The following MICAL2 variants were observed in gnomAD, a reference collection of about 807,000 sequenced individuals.
MICAL2 encodes the protein [F-actin]-monooxygenase MICAL2.
A neutral mutation model predicts 127.3 loss-of-function variants in MICAL2; 77 were observed. The ratio of observed to expected loss-of-function variants is 0.60; its 90% CI spans 0.50 to 0.73. The LOEUF (loss-of-function observed/expected upper bound fraction) is 0.73. Ranked by LOEUF, MICAL2 falls within the 30% of genes least tolerant of loss-of-function variation. MICAL2 has a pLI of 0.00. For missense variants in MICAL2, 1,351 were observed against 1,434.4 expected (o/e 0.94, Z 0.94); for synonymous variants, 570 against 551.1 (o/e 1.03, Z -0.48).
chr11:12,199,540 G>A (rs1002883162), intron 3 of MICAL2, among the ~76,000 whole-genome samples: 3 of 152,146 alleles, frequency 2.0e-5, no homozygotes, highest in Admixed American at 6.5e-5. Flanking sequence ...TCTCCCTCTG[G>A]GGACTGAATC....
At chr11:12,181,099 A>G (rs1857424793) in intron 3 of MICAL2, among the ~76,000 whole-genome samples, 1 of 151,792 alleles carries the variant, frequency 6.6e-6, no homozygotes. Flanking sequence ...ACCTGCCACC[A>G]TGCCTGGATA....
chr11:12,288,899 T>C (rs1863859763), downstream of MICAL2, among the ~76,000 whole-genome samples: 1 of 152,216 alleles, frequency 6.6e-6, no homozygotes, highest in Admixed American at 6.5e-5. Context: ...AGAGCCATCT[T>C]TTTTATTGTC....
downstream of MICAL2, chr11:12,294,424 C>T (rs1414191444): frequency 8.1e-6 from 13 of 1,614,220 alleles, no homozygotes; most frequent in Non-Finnish European, 1.1e-5. Context: ...CTGGGAGAAA[C>T]CAGTCCTCAG....
intron 30 of MICAL2, among the ~76,000 whole-genome samples, chr11:12,320,523 G>A (rs1422666124): frequency 6.6e-6 from 1 of 152,148 alleles, no homozygotes; most frequent in Non-Finnish European, 1.5e-5. Flanking sequence ...TGAGACAGTA[G>A]AGTACTTGGT....
At chr11:12,200,070 C>T (rs1280786652) in intron 3 of MICAL2, among the ~76,000 whole-genome samples, 1 of 152,112 alleles carries the variant, frequency 6.6e-6, no homozygotes, top group African/African-American at 2.4e-5. Flanking sequence ...GTGGAGAGTT[C>T]ATCAGCTGTC....
At position 12,237,128 on chromosome 11, in the gene MICAL2, T is replaced by C. The variant is rs552190144; in HGVS notation, c.2064+883T>C. Among the ~76,000 whole-genome samples, 3 of 152,308 alleles carry C rather than the reference T, an allele frequency of 2.0e-5. No homozygotes were observed. In the East Asian group the frequency reaches 5.8e-4, roughly 29 times the overall value. On this transcript the variant is annotated intron_variant, in intron 16 of 27. Coordinates refer to ENST00000683283, the MANE Select transcript of MICAL2 (RefSeq NM_001282663.2). ...GTGAGCTTTATAATAAATAGAGTCA[T>C]GAGGTTCACCTTGGGGAAAGCAGCA...
chr11:12,229,678 C>A, intron 15 of MICAL2, among the ~76,000 whole-genome samples: 1 of 152,216 alleles, frequency 6.6e-6, no homozygotes, highest in Non-Finnish European at 1.5e-5. Context: ...GGCTTGGGAG[C>A]TGGGGATGGT....
chr11:12,270,285 G>A (rs575585053), intron 24 of MICAL2, among the ~76,000 whole-genome samples: 1 of 152,336 alleles, frequency 6.6e-6, no homozygotes, highest in South Asian at 2.1e-4. Flanking sequence ...TGCCTTCCCC[G>A]CCCTTCTCTG....
At chr11:12,243,258 G>A (rs1056019604) in intron 20 of MICAL2, 1 of 152,918 alleles carries the variant, frequency 6.5e-6, no homozygotes, top group African/African-American at 2.4e-5. Flanking sequence ...TTCCCCATGG[G>A]ATAAAGTCAA....
chr11:12,266,414 C>T (rs190244556), downstream of MICAL2, among the ~76,000 whole-genome samples: 20 of 152,122 alleles, frequency 1.3e-4, no homozygotes, highest in Admixed American at 7.9e-4. Flanking sequence ...CCCTTTATTT[C>T]TATAAATGCA....
intron 1 of MICAL2, among the ~76,000 whole-genome samples, chr11:12,129,338 T>C (rs1450588562): frequency 6.6e-6 from 1 of 152,198 alleles, no homozygotes; most frequent in Non-Finnish European, 1.5e-5. Context: ...CCATTCATAT[T>C]TCATTTGGTC....
At position 12,318,045 on chromosome 11, in the gene MICAL2, G is replaced by A. The variant is rs182737640; in HGVS notation, c.5213-1651G>A. 2.0e-5 allele frequency among the ~76,000 whole-genome samples: 3 copies of A among 152,260 alleles called. No homozygotes were observed. In the East Asian group the frequency reaches 5.8e-4, roughly 29 times the overall value. On this transcript the variant is annotated intron_variant, in intron 29 of 34. Coordinates refer to the MICAL2 transcript ENST00000646065. ...AAATAGGCAGTTTTCTAATGTTGCA[G>A]TATTGTTATTTTAGATCAGTGATGA... is the stretch of plus-strand genomic sequence containing the variant.
intron 3 of MICAL2, among the ~76,000 whole-genome samples, chr11:12,187,816 C>A (rs981631663): frequency 1.3e-5 from 2 of 151,652 alleles, no homozygotes; most frequent in Non-Finnish European, 2.9e-5. Flanking sequence ...TCCCAGGGCA[C>A]CCTCCCTGGG....
At chr11:12,310,820 T>A (rs1193900574) in intron 29 of MICAL2, among the ~76,000 whole-genome samples, 1 of 152,152 alleles carries the variant, frequency 6.6e-6, no homozygotes, top group Non-Finnish European at 1.5e-5. Flanking sequence ...CTTCTTTCCA[T>A]GTTTTGGGTG....
At chr11:12,198,858 C>G (rs1393211877) in intron 3 of MICAL2, among the ~76,000 whole-genome samples, 1 of 152,236 alleles carries the variant, frequency 6.6e-6, no homozygotes, top group African/African-American at 2.4e-5. Flanking sequence ...ATTTCCCACC[C>G]TGCGGAAGCA....
At chr11:12,299,689 C>T (rs1436097909) in intron 29 of MICAL2, among the ~76,000 whole-genome samples, 1 of 152,170 alleles carries the variant, frequency 6.6e-6, no homozygotes, top group African/African-American at 2.4e-5. Context: ...GTATTACATA[C>T]ATACAGTAAC....
At chr11:12,166,714 T>C (rs1228075438) in intron 3 of MICAL2, among the ~76,000 whole-genome samples, 1 of 152,188 alleles carries the variant, frequency 6.6e-6, no homozygotes, top group East Asian at 1.9e-4. Flanking sequence ...TAGCCCTTAT[T>C]ATCATTAATA....
At chr11:12,212,337 C>T (rs1855579972) in intron 6 of MICAL2, among the ~76,000 whole-genome samples, 1 of 152,076 alleles carries the variant, frequency 6.6e-6, no homozygotes, top group Non-Finnish European at 1.5e-5. Flanking sequence ...ATAAGGCAGT[C>T]ATGGTGACAC....
At chr11:12,323,456 G>C (rs191775696) in intron 30 of MICAL2, among the ~76,000 whole-genome samples, 6 of 152,208 alleles carry the variant, frequency 3.9e-5, no homozygotes, top group African/African-American at 1.4e-4. Context: ...GTATGTGTGT[G>C]TATGTCTGTC....
Sources: gnomAD v4.1 joint callset for allele counts (sites outside exome capture counted in the v4.1 genomes callset) on GRCh38, gnomAD v4.1.1 for gene constraint, MANE v1.5 for transcripts, NCBI Gene and HGNC (gene_info 2026-07-23, HGNC 2026-07-21) for gene names.